Variants in IQCE observed in about 807,000 individuals in gnomAD.
The protein encoded by IQCE is IQ motif containing E.
A neutral mutation model predicts 96.0 loss-of-function variants in IQCE; 115 were observed. The observed-to-expected ratio is 1.20, with a 90% confidence interval of 1.03 to 1.40. The LOEUF (loss-of-function observed/expected upper bound fraction) is 1.40. Among genes scored for constraint, IQCE ranks in the 40% most tolerant of loss-of-function variants. The pLI, the probability that IQCE is intolerant of heterozygous loss-of-function variation, is 0.00. For missense variants in IQCE, 1,041 were observed against 909.1 expected (o/e 1.15, Z -1.87); for synonymous variants, 412 against 371.2 (o/e 1.11, Z -1.26).
rs548460657 is a variant in IQCE, at chr7:2,594,497, C to T, written c.1350-389C>T. On this transcript the variant is annotated intron_variant, in intron 15 of 21. Coordinates refer to ENST00000402050, the MANE Select transcript of IQCE (RefSeq NM_152558.5). ...TTTATCTCAAATGCTTGGGCTCAAGCGATCCTCTGGCCTTGGCCTCCTAGA... is the reference window on the plus strand; with the variant it reads ...TTTATCTCAAATGCTTGGGCTCAAGTGATCCTCTGGCCTTGGCCTCCTAGA... 2.2e-4 allele frequency among the ~76,000 whole-genome samples: 34 copies of T among 152,356 alleles called. 1 individual carries two copies. The South Asian group carries it at 6.6e-3, about 30-fold the overall frequency.
In IQCE at chr7:2,611,950, G is replaced by T; in HGVS notation, c.*1788G>T. 1 of 152,228 alleles carries T rather than the reference G, an allele frequency of 6.6e-6. No individual in the cohort carries two copies. The highest frequency in any genetic ancestry group is 1.5e-5 in the Non-Finnish European group (1 of 68,076). The allele number at this position is 152,228 out of a possible 1,614,324, so 9.4% of individuals were successfully genotyped here. A position where few individuals can be genotyped will look rare whatever the true frequency, so the allele number is the denominator to read the frequency against. ...GCCCGGGTCCACTCCCTGGGGCGCT[G>T]TCCCAAGCCATCCCTGCTTGCCAGC... On this transcript the variant is annotated 3_prime_UTR_variant, in exon 22 of 22. Coordinates refer to ENST00000402050, the MANE Select transcript of IQCE (RefSeq NM_152558.5).
chr7:2,583,564 G>T, intron 9 of IQCE, 73 bp from the exon 10 acceptor site: 3 of 1,182,790 alleles, frequency 2.5e-6, no homozygotes, highest in Non-Finnish European at 2.4e-6. Flanking sequence ...GAACGTTCTG[G>T]GAAACTCTTC....
chr7:2,596,433 T>G (rs931948451), intron 16 of IQCE, among the ~76,000 whole-genome samples: 1 of 151,606 alleles, frequency 6.6e-6, no homozygotes, highest in Non-Finnish European at 1.5e-5. Flanking sequence ...TCTTTTAGTA[T>G]TGTCTGAATT....
intron 9 of IQCE, 91 bp from the exon 10 acceptor site, chr7:2,583,546 C>A: frequency 1.1e-6 from 1 of 933,600 alleles, no homozygotes; most frequent in Non-Finnish European, 1.6e-6. Flanking sequence ...CAAAGCCTCT[C>A]CTCTTCTGAA....
At position 2,578,227 on chromosome 7, in the gene IQCE, C is replaced by A; in HGVS notation, c.466-15C>A. On this transcript the variant is annotated splice_polypyrimidine_tract_variant and intron_variant, in intron 6 of 21. Transcript: ENST00000402050. ...CTTCGTGTGGATGGCTGTGCATGGC[C>A]CTTGTTTTCTTCAGTCATTGCACGT... is the stretch of plus-strand genomic sequence containing the variant. 6.3e-7 allele frequency: 1 copy of A among 1,598,906 alleles called. No individual in the cohort carries two copies. Among genetic ancestry groups the A allele is most frequent in the Non-Finnish European group, 8.6e-7 (1 of 1,166,624 alleles).
chr7:2,597,672 C>CT (rs1353005724), intron 16 of IQCE, among the ~76,000 whole-genome samples: 1 of 152,148 alleles, frequency 6.6e-6, no homozygotes, highest in African/African-American at 2.4e-5. Flanking sequence ...CATAATTTTT[C>CT]TTTTTTCTTT....
intron 6 of IQCE, among the ~76,000 whole-genome samples, chr7:2,577,195 G>T (rs1012712018): frequency 1.3e-5 from 2 of 152,222 alleles, no homozygotes; most frequent in Non-Finnish European, 2.9e-5. Flanking sequence ...GGGCCTGTGC[G>T]CGGTGTGGTG....
chr7:2,582,465 A>C, intron 8 of IQCE, 115 bp from the exon 9 acceptor site: 3 of 818,604 alleles, frequency 3.7e-6, no homozygotes, highest in Non-Finnish European at 6.2e-6. Context: ...AAGAGAGCAC[A>C]GCGCTGGAGG....
chr7:2,584,554 T>G, intron 11 of IQCE: 1 of 453,040 alleles, frequency 2.2e-6, no homozygotes, highest in East Asian at 3.7e-5. Flanking sequence ...GCCTTCCAGC[T>G]TAGAGCTAGA....
At chr7:2,596,335 GAAAAC>G (rs1784037662) in intron 16 of IQCE, among the ~76,000 whole-genome samples, 1 of 149,630 alleles carries the variant, frequency 6.7e-6, no homozygotes, top group South Asian at 2.1e-4. Context: ...GAGAGAGAGA[GAAAAC>G]AAAAGTGTCT....
At chr7:2,590,663 G>A (rs1297555888) in intron 14 of IQCE, among the ~76,000 whole-genome samples, 1 of 152,100 alleles carries the variant, frequency 6.6e-6, no homozygotes, top group Non-Finnish European at 1.5e-5. Context: ...TTACTCAGGA[G>A]GCCAAGGCAG....
At chr7:2,599,193 G>A (rs941387055) in intron 17 of IQCE, among the ~76,000 whole-genome samples, 2 of 152,114 alleles carry the variant, frequency 1.3e-5, no homozygotes, top group Non-Finnish European at 2.9e-5. Context: ...CACCCTGACC[G>A]ATTTTGTTTG....
At chr7:2,570,702 T>C (rs1365465400) in intron 3 of IQCE, among the ~76,000 whole-genome samples, 1 of 152,220 alleles carries the variant, frequency 6.6e-6, no homozygotes, top group Non-Finnish European at 1.5e-5. Flanking sequence ...ACGTTTATTA[T>C]CTTTTTTATA....
chr7:2,572,098 A>C (rs1002663815), intron 4 of IQCE, 94 bp from the exon 5 acceptor site: 1 of 1,358,466 alleles, frequency 7.4e-7, no homozygotes. Context: ...TCAGTGATTC[A>C]GCTTTCTTCA....
chr7:2,587,381 G>C (rs771149111), intron 12 of IQCE, among the ~76,000 whole-genome samples: 2 of 151,418 alleles, frequency 1.3e-5, no homozygotes, highest in Non-Finnish European at 2.9e-5. Flanking sequence ...AGGAGCAGGG[G>C]GTCAGGCCCT....
At chr7:2,588,738 C>T (rs1783339607) in intron 13 of IQCE, among the ~76,000 whole-genome samples, 1 of 137,324 alleles carries the variant, frequency 7.3e-6, no homozygotes, top group Non-Finnish European at 1.5e-5. Flanking sequence ...AATCTCGGCT[C>T]ACTGCAACTT....
At chr7:2,582,148 G>A (rs1026985098) in intron 8 of IQCE, 30 of 446,172 alleles carry the variant, frequency 6.7e-5, no homozygotes, top group Admixed American at 4.8e-4. Context: ...CCCTACGGCC[G>A]CGCTGTCTCC....
intron 8 of IQCE, among the ~76,000 whole-genome samples, chr7:2,579,006 T>C (rs2969051): frequency 0.76 from 113,543 of 150,116 alleles, 43,171 homozygotes; most frequent in African/African-American, 0.8. Context: ...TTGCGGTGAG[T>C]TGAGATCGCG....
At position 2,583,700 on chromosome 7, in the gene IQCE, C is replaced by T. The variant is rs1335580670; in HGVS notation, c.765C>T (p.Tyr255=). 2 of 1,544,428 alleles carry T rather than the reference C, an allele frequency of 1.3e-6. No homozygotes were observed. The highest frequency in any genetic ancestry group is 1.7e-5 in the Admixed American group (1 of 57,194). ...AGATGCGGATCGCCATGGAGACATACTACGAGGAGGTGCGCCGTGCTGGGC... is the reference window on the plus strand; with the variant it reads ...AGATGCGGATCGCCATGGAGACATATTACGAGGAGGTGCGCCGTGCTGGGC... ...LEEMRIAMET[Y]YEEVHRLQTL... is the part of the protein sequence containing the mutation. Residue 255 remains tyrosine, a synonymous_variant, in exon 10 of 22, where the codon TAC becomes TAT. Coordinates refer to ENST00000402050, the MANE Select transcript of IQCE (RefSeq NM_152558.5).
Sources: allele counts gnomAD v4.1 joint callset (sites outside exome capture counted in the v4.1 genomes callset), GRCh38; gene constraint gnomAD v4.1.1; transcripts MANE v1.5; gene names NCBI Gene and HGNC (gene_info 2026-07-23, HGNC 2026-07-21).